The following AGAP1 variants were observed in gnomAD, a reference collection of about 807,000 sequenced individuals.
AGAP1 encodes the protein ArfGAP with GTPase domain, ankyrin repeat and PH domain 1.
A neutral mutation model predicts 105.3 loss-of-function variants in AGAP1; 29 were observed. The ratio of observed to expected loss-of-function variants is 0.28; its 90% confidence interval spans 0.21 to 0.38. AGAP1 has a LOEUF of 0.38. AGAP1 is among the 10% of genes least tolerant of loss of function. The pLI is 1.00. For synonymous variants in AGAP1, 509 were observed against 485.9 expected (o/e 1.05, Z -0.63); for missense variants, 998 against 1,165.1 (o/e 0.86, Z 2.09).
At chr2:235,941,835 T>A (rs1244451759) in intron 12 of AGAP1, among the ~76,000 whole-genome samples, 1 of 108,600 alleles carries the variant, frequency 9.2e-6, no homozygotes, top group Non-Finnish European at 1.8e-5. Context: ...TGTGCGGCTA[T>A]GGAGCTTTGT....
intron 6 of AGAP1, among the ~76,000 whole-genome samples, chr2:235,794,717 C>T (rs1181612049): frequency 1.3e-5 from 2 of 152,130 alleles, no homozygotes; most frequent in East Asian, 3.9e-4. Flanking sequence ...GGTGATCTGC[C>T]CGCCTCGGCC....
At position 235,566,653 on chromosome 2, in the gene AGAP1, G is replaced by A. The variant is rs555799970; in HGVS notation, c.163+71804G>A. 52 of 957,854 alleles carry A rather than the reference G, an allele frequency of 5.4e-5. No homozygotes were observed. Among genetic ancestry groups the A allele is most frequent in the African/African-American group, 1.2e-4 (7 of 56,678 alleles). The allele number at this position is 957,854 out of a possible 1,614,324, so 59.3% of individuals were successfully genotyped here. A position where few individuals can be genotyped will look rare whatever the true frequency, so the allele number is the denominator to read the frequency against. On this transcript the variant is annotated intron_variant, in intron 1 of 17. Transcript: ENST00000304032. This position sits in a 1 kb window ranked among gnomAD's most constrained non-coding sequence, Gnocchi z 5.2. ...GTATGCCTGACACCTTCCTCATGCC[G>A]CAGGACCAGCCGGGACCGGGGAGAG...
chr2:235,854,143 C>T lies in AGAP1; in HGVS notation c.1051-29202C>T, dbSNP rs1411052452. Among the ~76,000 whole-genome samples, 3 of 152,134 alleles carry T rather than the reference C, an allele frequency of 2.0e-5. No individual in the cohort carries two copies. In the East Asian group the frequency reaches 5.8e-4, roughly 29 times the overall value. ...CCGCTGTGTTGAGACAGGCACTCCC[C>T]CTCAGCCTCCCCTTGTCTTCCCGGG... On this transcript the variant is annotated intron_variant, in intron 9 of 17. Transcript: ENST00000304032.
chr2:235,659,603 A>G lies in AGAP1; in HGVS notation c.164-49576A>G, dbSNP rs950648450. The stretch of plus-strand genomic sequence containing the variant: ...TGAACGTGCCATTTGAAGCATAGCA[A>G]CCATTACTTTGAGAACCTGTGCAGG... On this transcript the variant is annotated intron_variant, in intron 1 of 17. Coordinates refer to ENST00000304032, the MANE Select transcript of AGAP1 (RefSeq NM_001037131.3). The surrounding 1 kb of genome is among the most constrained non-coding windows in gnomAD (Gnocchi z 5.0). Among the ~76,000 whole-genome samples the G allele has an allele frequency of 2.0e-5, 3 of 152,190 alleles. No homozygotes were observed. The highest frequency in any genetic ancestry group is 6.5e-5 in the Admixed American group (1 of 15,278).
intron 9 of AGAP1, among the ~76,000 whole-genome samples, chr2:235,809,693 C>CTG (rs1217520469): frequency 2.6e-5 from 4 of 152,156 alleles, no homozygotes; most frequent in African/African-American, 9.7e-5. Context: ...TCTCACATCC[C>CTG]TGTGTGTACC....
intron 12 of AGAP1, among the ~76,000 whole-genome samples, chr2:235,944,226 G>A (rs2053392655): frequency 6.6e-6 from 1 of 152,042 alleles, no homozygotes; most frequent in Admixed American, 6.5e-5. Flanking sequence ...ACAGAATGGG[G>A]GGCTTCAAAT....
At position 235,877,247 on chromosome 2, in the gene AGAP1, G is replaced by A. The variant is rs926770091; in HGVS notation, c.1051-6098G>A. 9.9e-5 allele frequency among the ~76,000 whole-genome samples: 15 copies of A among 152,216 alleles called. No individual in the cohort carries two copies. Among genetic ancestry groups the A allele is most frequent in the African/African-American group, 3.6e-4 (15 of 41,536 alleles). ...GGTACAAGCAGAAAACTAAGATTCA[G>A]CTCCTTGTCTTTATAGCTTTTAAAT... On this transcript the variant is annotated intron_variant, in intron 9 of 17. Transcript: ENST00000304032. This position sits in a 1 kb window ranked among gnomAD's most constrained non-coding sequence, Gnocchi z 4.3.
chr2:235,717,364 T>A (rs549847697), intron 2 of AGAP1, among the ~76,000 whole-genome samples, 193 bp from the exon 3 acceptor site: 24 of 152,082 alleles, frequency 1.6e-4, no homozygotes, highest in Admixed American at 9.8e-4. Flanking sequence ...GATGAGAACG[T>A]GAGATGTTAA....
chr2:236,038,255 C>T lies in AGAP1; in HGVS notation c.1800+1540C>T, dbSNP rs944107021. Among the ~76,000 whole-genome samples, 6 of 152,150 alleles carry T rather than the reference C, an allele frequency of 3.9e-5. No homozygotes were observed. The highest frequency in any genetic ancestry group is 1.3e-4 in the Admixed American group (2 of 15,282). ...GCAACAGCACACAGCATCCTCCAAG[C>T]GTGGGCAGCTCATTCTGAGAAGGAA... On this transcript the variant is annotated intron_variant, in intron 14 of 17. Coordinates refer to ENST00000304032, the MANE Select transcript of AGAP1 (RefSeq NM_001037131.3). This position sits in a 1 kb window ranked among gnomAD's most constrained non-coding sequence, Gnocchi z 4.5.
At chr2:235,790,768 C>G (rs992553780) in intron 6 of AGAP1, among the ~76,000 whole-genome samples, 3 of 152,344 alleles carry the variant, frequency 2.0e-5, no homozygotes, top group Non-Finnish European at 4.4e-5. Context: ...CACTGAGTGT[C>G]AGGCAGGCCC....
chr2:235,581,009 C>A (rs1248252931), intron 1 of AGAP1, among the ~76,000 whole-genome samples: 1 of 151,766 alleles, frequency 6.6e-6, no homozygotes, highest in East Asian at 1.9e-4. Context: ...TACAGTAATC[C>A]CGTGAGGTGT....
Position 236,036,121 on chromosome 2 carries a change from C to T in AGAP1, c.1646-440C>T, listed in dbSNP as rs537360913. Reference sequence around the variant, plus strand: ...GCCATAAAAGAACAGAACCTTCCCGCGTTCCTCTATCCATGGAGTGTCTGT... The same window carrying T: ...GCCATAAAAGAACAGAACCTTCCCGTGTTCCTCTATCCATGGAGTGTCTGT... On this transcript the variant is annotated intron_variant, in intron 13 of 17. Transcript: ENST00000304032. The surrounding 1 kb of genome is among the most constrained non-coding windows in gnomAD (Gnocchi z 5.7). Among the ~76,000 whole-genome samples, 1 of 152,292 alleles carries T rather than the reference C, an allele frequency of 6.6e-6. No homozygotes were observed. Among genetic ancestry groups the T allele is most frequent in the Non-Finnish European group, 1.5e-5 (1 of 68,030 alleles).
At chr2:236,019,386 GAGC>G (rs1392449055) in intron 13 of AGAP1, among the ~76,000 whole-genome samples, 1 of 152,234 alleles carries the variant, frequency 6.6e-6, no homozygotes, top group African/African-American at 2.4e-5. Context: ...GCTTTGTGGA[GAGC>G]AGAACTACAT....
In AGAP1 at chr2:236,026,503, C is replaced by A. The variant is rs375149351; in HGVS notation, c.1646-10058C>A. Among the ~76,000 whole-genome samples, 28 of 152,260 alleles carry A rather than the reference C, an allele frequency of 1.8e-4. 1 individual carries two copies. The South Asian group carries it at 4.6e-3, about 25-fold the overall frequency. ...CCGCACTTTGGGAGGCTGAGGCAGG[C>A]ACATCACCTGAGGCCAGAAGTTCGA... On this transcript the variant is annotated intron_variant, in intron 13 of 17. Transcript: ENST00000304032.
Position 236,045,998 on chromosome 2 carries a change from C to T in AGAP1, c.1892-3061C>T. ...CACGCATGAATGTCGTCCTTCAGAT[C>T]TGGACCTGACAGCCTGGGAGCTGCT... On this transcript the variant is annotated intron_variant, in intron 15 of 17. Transcript: ENST00000304032. This position sits in a 1 kb window ranked among gnomAD's most constrained non-coding sequence, Gnocchi z 6.9. 2.1e-6 allele frequency: 1 copy of T among 471,712 alleles called. No individual in the cohort carries two copies. Among genetic ancestry groups the T allele is most frequent in the South Asian group, 1.5e-5 (1 of 64,560 alleles). The allele number at this position is 471,712 out of a possible 1,614,324, so 29.2% of individuals were successfully genotyped here.
rs7566170 is a variant in AGAP1, at chr2:235,677,993, G to A, written c.164-31186G>A. The stretch of plus-strand genomic sequence containing the variant: ...TTATTCTGTGAAAATATGCAAAGCA[G>A]AGTTTTGGCCTTGAGGATGCGTATT... On this transcript the variant is annotated intron_variant, in intron 1 of 17. Coordinates refer to ENST00000304032, the MANE Select transcript of AGAP1 (RefSeq NM_001037131.3). Among the ~76,000 whole-genome samples, 52 of 130,892 alleles carry A rather than the reference G, an allele frequency of 4.0e-4. No individual in the cohort carries two copies. In the East Asian group the frequency reaches 0.013, roughly 33 times the overall value. The allele number at this position is 130,892 out of a possible 152,430, so 85.9% of individuals were successfully genotyped here. A position where few individuals can be genotyped will look rare whatever the true frequency, so the allele number is the denominator to read the frequency against.
chr2:235,779,016 C>T (rs1402781384), intron 6 of AGAP1, among the ~76,000 whole-genome samples: 3 of 152,192 alleles, frequency 2.0e-5, no homozygotes, highest in Admixed American at 1.3e-4. Flanking sequence ...GAAACTGAGC[C>T]ACAAAAGGGC....
intron 9 of AGAP1, among the ~76,000 whole-genome samples, chr2:235,851,615 GCATACTCTAGGCTTAT>G (rs998485723): frequency 3.7e-4 from 56 of 152,292 alleles, no homozygotes; most frequent in South Asian, 1.0e-3. Flanking sequence ...GCCCGCGGCA[GCATACTCTAGGCTTAT>G]CTCCGTGTGT....
At chr2:236,010,216 G>A (rs544182739) in intron 13 of AGAP1, among the ~76,000 whole-genome samples, 5 of 152,174 alleles carry the variant, frequency 3.3e-5, no homozygotes, top group Middle Eastern at 3.4e-3. Flanking sequence ...CAGATGAAAA[G>A]CTGTAGCTTC....
Sources: allele counts gnomAD v4.1 joint callset (sites outside exome capture counted in the v4.1 genomes callset), GRCh38; gene constraint gnomAD v4.1.1; non-coding constraint Gnocchi (gnomAD v3.1); transcripts MANE v1.5; gene names NCBI Gene and HGNC (gene_info 2026-07-23, HGNC 2026-07-21).